CHCHD3: variants seen among roughly 807,000 people sequenced by gnomAD.
CHCHD3 encodes the protein coiled-coil-helix-coiled-coil-helix domain containing 3.
A neutral mutation model predicts 38.2 loss-of-function variants in CHCHD3; 20 were observed. The ratio of observed to expected loss-of-function variants is 0.52; its 90% CI spans 0.37 to 0.76. The LOEUF is 0.76. CHCHD3 is among the 30% of genes least tolerant of loss of function. The probability of loss-of-function intolerance (pLI) is 0.00; values close to 1 mark genes in which losing one functional copy is unlikely to be tolerated. For missense variants in CHCHD3, 245 were observed against 279.2 expected, an observed-to-expected ratio of 0.88 and a Z score of 0.87; for synonymous variants, 82 against 100.0, an observed-to-expected ratio of 0.82 and a Z score of 1.07.
intron 1 of CHCHD3, among the ~76,000 whole-genome samples, chr7:133,072,769 G>A (rs1346384271): frequency 6.7e-6 from 1 of 150,036 alleles, no homozygotes; most frequent in Non-Finnish European, 1.5e-5. Context: ...AACCCGGGAG[G>A]CAGAGCTTGC....
chr7:133,064,137 A>T (rs774227459), intron 2 of CHCHD3, among the ~76,000 whole-genome samples: 1 of 152,250 alleles, frequency 6.6e-6, no homozygotes. Context: ...ACACTGTAAC[A>T]TTAAATATGC....
chr7:132,946,215 G>A (rs950809803), intron 4 of CHCHD3, among the ~76,000 whole-genome samples: 17 of 151,574 alleles, frequency 1.1e-4, no homozygotes, highest in African/African-American at 4.1e-4. Flanking sequence ...TACATATAAT[G>A]TACACACATT....
chr7:132,983,488 T>G (rs972939883), intron 3 of CHCHD3, among the ~76,000 whole-genome samples: 1 of 152,224 alleles, frequency 6.6e-6, no homozygotes, highest in Non-Finnish European at 1.5e-5. Flanking sequence ...AGTAGGCACC[T>G]CCTGTTGCTA....
chr7:133,036,175 A>G (rs1323036265), intron 2 of CHCHD3, among the ~76,000 whole-genome samples: 1 of 152,154 alleles, frequency 6.6e-6, no homozygotes, highest in Admixed American at 6.5e-5. Context: ...GTAAGTAAAC[A>G]TAATTCTTCT....
intron 3 of CHCHD3, among the ~76,000 whole-genome samples, chr7:133,010,294 T>G (rs1812828588): frequency 6.6e-6 from 1 of 151,978 alleles, no homozygotes; most frequent in Non-Finnish European, 1.5e-5. Flanking sequence ...ATGAGGAGCA[T>G]CATCTTATAG....
At chr7:133,076,657 T>C (rs896856047) in intron 1 of CHCHD3, among the ~76,000 whole-genome samples, 1 of 152,304 alleles carries the variant, frequency 6.6e-6, no homozygotes, top group Admixed American at 6.5e-5. Flanking sequence ...TTGTTTGGTC[T>C]TATCCAAAAT....
intron 4 of CHCHD3, chr7:132,973,312 C>T (rs1375799995): frequency 7.1e-6 from 7 of 985,294 alleles, no homozygotes; most frequent in Admixed American, 6.1e-5. Flanking sequence ...GCACTATTAA[C>T]CTCCTCCACT....
At chr7:133,020,897 A>T (rs1338330151) in intron 3 of CHCHD3, among the ~76,000 whole-genome samples, 1 of 149,982 alleles carries the variant, frequency 6.7e-6, no homozygotes, top group African/African-American at 2.4e-5. Context: ...TGGGTTTCTC[A>T]CTATTGGTAC....
At chr7:132,798,823 T>C (rs973929940) in intron 6 of CHCHD3, among the ~76,000 whole-genome samples, 3 of 152,226 alleles carry the variant, frequency 2.0e-5, no homozygotes, top group Non-Finnish European at 2.9e-5. Flanking sequence ...CCTCATGTTA[T>C]GGACTCCTTA....
chr7:132,816,913 C>T (rs1306388409), intron 6 of CHCHD3, among the ~76,000 whole-genome samples: 1 of 152,050 alleles, frequency 6.6e-6, no homozygotes, highest in African/African-American at 2.4e-5. Flanking sequence ...CCAAATCTTG[C>T]CAGAATTCAA....
intron 4 of CHCHD3, among the ~76,000 whole-genome samples, chr7:132,922,199 G>T (rs1457073903): frequency 1.3e-5 from 2 of 152,130 alleles, no homozygotes; most frequent in Admixed American, 1.3e-4. Flanking sequence ...CTGGGAAGCT[G>T]CCTGAGACCT....
intron 2 of CHCHD3, among the ~76,000 whole-genome samples, chr7:133,030,125 G>A (rs931896061): frequency 6.6e-6 from 1 of 152,036 alleles, no homozygotes; most frequent in African/African-American, 2.4e-5. Context: ...ACATGACCTA[G>A]CATAAAGAGT....
chr7:133,008,414 C>A (rs1584638811), intron 3 of CHCHD3, among the ~76,000 whole-genome samples: 1 of 136,018 alleles, frequency 7.4e-6, no homozygotes, highest in South Asian at 2.3e-4. Context: ...ATTCTACACA[C>A]ATGCAGAAAA....
chr7:132,891,576 C>G (rs1809361319), intron 4 of CHCHD3, among the ~76,000 whole-genome samples: 1 of 152,218 alleles, frequency 6.6e-6, no homozygotes, highest in African/African-American at 2.4e-5. Context: ...TTCCCCTTCT[C>G]AGAGTTTCAA....
intron 2 of CHCHD3, among the ~76,000 whole-genome samples, chr7:133,060,204 C>T (rs981009483): frequency 1.3e-5 from 2 of 152,168 alleles, no homozygotes; most frequent in Admixed American, 6.5e-5. Flanking sequence ...CTCAACAGGT[C>T]AATGTTTACC....
chr7:132,991,235 G>T (rs1266450038), intron 3 of CHCHD3, among the ~76,000 whole-genome samples: 1 of 151,824 alleles, frequency 6.6e-6, no homozygotes, highest in Non-Finnish European at 1.5e-5. Flanking sequence ...TACATAATTT[G>T]CTTCTTTATT....
At chr7:132,833,308 T>C (rs964067025) in intron 6 of CHCHD3, among the ~76,000 whole-genome samples, 23 of 152,298 alleles carry the variant, frequency 1.5e-4, no homozygotes, top group Admixed American at 2.6e-4. Flanking sequence ...TAAGGTTACA[T>C]ATAAGAAGAA....
intron 5 of CHCHD3, chr7:132,847,521 C>G (rs961862198): frequency 6.6e-6 from 1 of 152,154 alleles, no homozygotes; most frequent in Non-Finnish European, 1.5e-5. Context: ...CGGAAGGAAA[C>G]GAGAATCAAC....
intron 6 of CHCHD3, among the ~76,000 whole-genome samples, chr7:132,800,242 T>C (rs1806754320): frequency 6.6e-6 from 1 of 152,154 alleles, no homozygotes; most frequent in African/African-American, 2.4e-5. Flanking sequence ...ACATAAATTA[T>C]TAACTACCAT....
Sources: allele counts gnomAD v4.1 joint callset (sites outside exome capture counted in the v4.1 genomes callset), GRCh38; gene constraint gnomAD v4.1.1; transcripts MANE v1.5; gene names NCBI Gene and HGNC (gene_info 2026-07-23, HGNC 2026-07-21).